BARD1: variants seen among roughly 807,000 people sequenced by gnomAD.
BARD1 encodes the protein BRCA1-associated RING domain protein 1.
In BARD1, 73 loss-of-function variants were observed where a neutral mutation model predicts 77.0. The observed-to-expected ratio is 0.95, with a 90% confidence interval of 0.79 to 1.15. BARD1 has a LOEUF of 1.15. BARD1 is among the 50% of genes most tolerant of loss of function. The pLI, the probability that BARD1 is intolerant of heterozygous loss-of-function variation, is 0.00. For synonymous variants in BARD1, 384 were observed against 338.0 expected (o/e 1.14, Z -1.49); for missense variants, 993 against 938.8 (o/e 1.06, Z -0.75).
At position 214,780,322 on chromosome 2, in the gene BARD1, C is replaced by T. The variant is rs3768708; in HGVS notation, c.1314+238G>A. Among the ~76,000 whole-genome samples the T allele has an allele frequency of 0.71, 108,645 of 152,062 alleles. 39,357 individuals are homozygous for T. The highest frequency in any genetic ancestry group is 0.79 in the East Asian group (4,094 of 5,166). ...CAAAAGCACTTGGCAAAATAAAAGCCGAAATATTCAAATATTGGTTTTCTC... is the reference window on the plus strand; with the variant it reads ...CAAAAGCACTTGGCAAAATAAAAGCTGAAATATTCAAATATTGGTTTTCTC... On this transcript the variant is annotated intron_variant, in intron 4 of 10. Transcript: ENST00000260947.
intron 1 of BARD1, among the ~76,000 whole-genome samples, chr2:214,808,469 G>A (rs948959465): frequency 1.4e-5 from 2 of 143,070 alleles, no homozygotes; most frequent in African/African-American, 5.3e-5. Flanking sequence ...GGTAACTTAA[G>A]TTCTGCAAGT....
intron 2 of BARD1, among the ~76,000 whole-genome samples, chr2:214,793,995 T>A (rs1695643390): frequency 6.6e-6 from 1 of 152,182 alleles, no homozygotes; most frequent in Non-Finnish European, 1.5e-5. Flanking sequence ...TTCATTCCTG[T>A]AATCTCAGCA....
intron 4 of BARD1, 117 bp from the exon 5 acceptor site, chr2:214,769,429 A>C: frequency 1.2e-6 from 1 of 830,628 alleles, no homozygotes; most frequent in East Asian, 2.7e-5. Flanking sequence ...TTTTCTCTTA[A>C]GGCTACTGTT....
rs1553622726 is a variant in BARD1 at position 214,781,502 on chromosome 2, T to C, written c.372A>G (p.Lys124=). ...ACAAACTTTTCCTAGGTTTATCTTC[T>C]TTCAAATCTGACAGAAAAAAAGAAA... ...LLHDNELSDL[K]EDKPRKSLFN... is the part of the protein sequence containing the mutation. Residue 124 remains lysine (K), a synonymous_variant, in exon 4 of 11, where the codon AAA becomes AAG. Transcript: ENST00000260947. 6.2e-7 allele frequency: 1 copy of C among 1,609,078 alleles called. No homozygotes were observed. Among genetic ancestry groups the C allele is most frequent in the Non-Finnish European group, 8.5e-7 (1 of 1,177,606 alleles).
At chr2:214,743,971 C>T (rs886347324) in intron 9 of BARD1, among the ~76,000 whole-genome samples, 85 of 152,174 alleles carry the variant, frequency 5.6e-4, no homozygotes, top group Non-Finnish European at 1.5e-5. Context: ...CCCCACATTC[C>T]TCCTCTGTAA....
chr2:214,732,262 CT>C (rs1314989752), intron 9 of BARD1, among the ~76,000 whole-genome samples: 4 of 152,196 alleles, frequency 2.6e-5, no homozygotes, highest in African/African-American at 9.7e-5. Context: ...AAAAGGGCTC[CT>C]TTCTTGACTA....
At chr2:214,808,109 A>G (rs13396545) in intron 1 of BARD1, among the ~76,000 whole-genome samples, 32,657 of 152,200 alleles carry the variant, frequency 0.21, 3,837 homozygotes, top group East Asian at 0.43. Context: ...AGTCCTTTTC[A>G]TTTTTAAAGA....
In BARD1 at chr2:214,785,090, C is replaced by T. The variant is rs201305528; in HGVS notation, c.365-3581G>A. On this transcript the variant is annotated intron_variant, in intron 3 of 10. Coordinates refer to ENST00000260947, the MANE Select transcript of BARD1 (RefSeq NM_000465.4). Reference sequence around the variant, plus strand: ...AGCCTTTTCTTCCCTCTACCTCTTCCCCTTAATTTAGGTTTATAAACTCCC... The same window carrying T: ...AGCCTTTTCTTCCCTCTACCTCTTCTCCTTAATTTAGGTTTATAAACTCCC... Among the ~76,000 whole-genome samples the T allele has an allele frequency of 9.2e-4, 132 of 142,892 alleles. No homozygotes were observed. The East Asian group carries it at 0.024, about 26-fold the overall frequency. 93.7% of individuals were successfully genotyped at this position (142,892 alleles called of 152,430 possible). A position where few individuals can be genotyped will look rare whatever the true frequency, so the allele number is the denominator to read the frequency against.
intron 9 of BARD1, among the ~76,000 whole-genome samples, chr2:214,737,103 C>T (rs1432615050): frequency 6.6e-6 from 1 of 152,080 alleles, no homozygotes; most frequent in Non-Finnish European, 1.5e-5. Context: ...GTGACAACTA[C>T]TTCAAGGATT....
At chr2:214,766,893 G>A (rs1694227936) in intron 6 of BARD1, among the ~76,000 whole-genome samples, 2 of 151,684 alleles carry the variant, frequency 1.3e-5, no homozygotes, top group Non-Finnish European at 2.9e-5. Flanking sequence ...GTGTAACGGG[G>A]GTGTGTTGTA....
chr2:214,734,449 C>G (rs1405740972), intron 9 of BARD1, among the ~76,000 whole-genome samples: 1 of 152,028 alleles, frequency 6.6e-6, no homozygotes, highest in African/African-American at 2.4e-5. Context: ...TTATTTTACA[C>G]CTGTAAATAC....
chr2:214,804,143 G>A (rs555391709), intron 1 of BARD1, among the ~76,000 whole-genome samples: 2 of 152,242 alleles, frequency 1.3e-5, no homozygotes, highest in South Asian at 4.2e-4. Flanking sequence ...ACATCTAAAT[G>A]TGCAGGCTCA....
rs202112709 is a variant in BARD1, at chr2:214,789,291, GA to G, written c.364+3005del. ...ATGCCTGTAAATCCCAGCACTTTGG[GA>G]GGTCGAGGTGGGAGAATCATTTAAG... On this transcript the variant is annotated intron_variant, in intron 3 of 10. Transcript: ENST00000260947. Among the ~76,000 whole-genome samples, 1,268 of 152,012 alleles carry G rather than the reference GA, an allele frequency of 8.3e-3. 5 individuals carry two copies. The highest frequency in any genetic ancestry group is 0.027 in the Middle Eastern group (8 of 294).
At chr2:214,801,851 G>GA (rs200451413) in intron 1 of BARD1, among the ~76,000 whole-genome samples, 3 of 88,290 alleles carry the variant, frequency 3.4e-5, no homozygotes, top group East Asian at 2.2e-4. Flanking sequence ...ATATTTGGCG[G>GA]GGGGGGGGGT....
rs1167985435 is a variant in BARD1, at chr2:214,727,428, CT to C, written c.*1247del. 3 of 231,730 alleles carry C rather than the reference CT, an allele frequency of 1.3e-5. No individual in the cohort carries two copies. Among genetic ancestry groups the C allele is most frequent in the Non-Finnish European group, 2.6e-5 (3 of 117,200 alleles). The allele number at this position is 231,730 out of a possible 1,614,324, so 14.4% of individuals were successfully genotyped here. A position where few individuals can be genotyped will look rare whatever the true frequency, so the allele number is the denominator to read the frequency against. ...TCTCTCAGTGTCTCCTTCCCCAAGT[CT>C]TTAATTTTATAAGTATATTCAATGT... On this transcript the variant is annotated 3_prime_UTR_variant, in exon 11 of 11. Transcript: ENST00000260947.
At chr2:214,767,347 G>C in intron 6 of BARD1, 135 bp downstream of exon 6, 13 of 841,600 alleles carry the variant, frequency 1.5e-5, no homozygotes, top group Non-Finnish European at 2.5e-5. Flanking sequence ...TGCAGAATGT[G>C]ATGATCACAT....
intron 1 of BARD1, among the ~76,000 whole-genome samples, chr2:214,808,587 C>G (rs1281779012): frequency 3.3e-5 from 5 of 152,216 alleles, no homozygotes. Context: ...GCTGTACACA[C>G]AGCAAGTGCT....
intron 6 of BARD1, among the ~76,000 whole-genome samples, chr2:214,766,472 T>C (rs1378727477): frequency 6.6e-6 from 1 of 152,188 alleles, no homozygotes; most frequent in Non-Finnish European, 1.5e-5. Context: ...TAAATCAATC[T>C]ACAGAATATA....
At position 214,792,294 on chromosome 2, in the gene BARD1, T is replaced by C. The variant is rs1695552690; in HGVS notation, c.364+3A>G. On this transcript the variant is annotated splice_donor_region_variant and intron_variant, in intron 3 of 10. Transcript: ENST00000260947. ...AACTAAGAGAGATAGGGATAGTTCT[T>C]ACCTGACAGCTCATTGTCATGTAGC... is the stretch of plus-strand genomic sequence containing the variant. The C allele has an allele frequency of 6.2e-7, 1 of 1,613,148 alleles. No homozygotes were observed. Among genetic ancestry groups the C allele is most frequent in the Admixed American group, 1.7e-5 (1 of 59,866 alleles).
Sources: allele counts gnomAD v4.1 joint callset (sites outside exome capture counted in the v4.1 genomes callset), GRCh38; gene constraint gnomAD v4.1.1; transcripts MANE v1.5; gene names NCBI Gene and HGNC (gene_info 2026-07-23, HGNC 2026-07-21).